E2F7: variants seen among roughly 807,000 people sequenced by gnomAD.
The protein encoded by E2F7 is E2F transcription factor 7.
In E2F7, 35 loss-of-function variants were observed where a neutral mutation model predicts 81.1. The ratio of observed to expected loss-of-function variants is 0.43; its 90% CI spans 0.33 to 0.57. The LOEUF (loss-of-function observed/expected upper bound fraction) is 0.57. Ranked by LOEUF, E2F7 falls within the 20% of genes least tolerant of loss-of-function variation. The pLI, the probability that E2F7 is intolerant of heterozygous loss-of-function variation, is 0.04. For synonymous variants in E2F7, 416 were observed against 416.2 expected, an observed-to-expected ratio of 1.00 and a Z score of 0.01; for missense variants, 961 against 1,093.7, an observed-to-expected ratio of 0.88 and a Z score of 1.71.
intron 4 of E2F7, among the ~76,000 whole-genome samples, chr12:77,047,843 C>G (rs905181047): frequency 6.6e-6 from 1 of 152,164 alleles, no homozygotes; most frequent in Admixed American, 6.5e-5. Flanking sequence ...TCCAGAACTG[C>G]CTGCTTCTTT....
In E2F7 at chr12:77,046,092, G is replaced by T; in HGVS notation, c.775C>A (p.Pro259Thr). 6.2e-7 allele frequency: 1 copy of T among 1,614,190 alleles called. No homozygotes were observed. Among genetic ancestry groups the T allele is most frequent in the Non-Finnish European group, 8.5e-7 (1 of 1,180,040 alleles). ...AGTAACTGTTGTTCCTGGGAATCTG[G>T]ATCACCATCTTTTTTACGTTCTCCA... The part of the protein sequence containing the change: ...KFGERKKDGD[P>T]DSQEQQLLDF... Residue 259 changes from proline (P) to threonine (T), a missense_variant, in exon 5 of 13, where the codon CCA (proline) becomes ACA (threonine). Transcript: ENST00000322886.
rs754914996 is a variant in E2F7, at chr12:77,028,080, A to G, written c.1943T>C (p.Ile648Thr). ...ATTCACATGAATGTCTTTGAGGGGT[A>G]TAGATGCCCTGTTACCCATAGTCTT... ...SPKTMGNRAS[I>T]PLKDIHVNGQ... Residue 648 changes from isoleucine (I) to threonine (T), a missense_variant, in exon 11 of 13, where the codon ATA becomes ACA. Coordinates refer to ENST00000322886, the MANE Select transcript of E2F7 (RefSeq NM_203394.3). 12 of 1,614,222 alleles carry G rather than the reference A, an allele frequency of 7.4e-6. No homozygotes were observed. Among genetic ancestry groups the G allele is most frequent in the Non-Finnish European group, 1.0e-5 (12 of 1,180,038 alleles).
rs1954720564 is a variant in E2F7 at position 77,022,453 on chromosome 12, G to T, written c.*1562C>A. 6.6e-6 allele frequency: 1 copy of T among 152,394 alleles called. No homozygotes were observed. The highest frequency in any genetic ancestry group is 1.5e-5 in the Non-Finnish European group (1 of 67,978). 9.4% of individuals were successfully genotyped at this position (152,394 alleles called of 1,614,324 possible). ...TTAAAAAATCTTGTGGGGGTAATAA[G>T]GCTAATATTATCCTGTAGTTAATAT... is the stretch of plus-strand genomic sequence containing the variant. On this transcript the variant is annotated 3_prime_UTR_variant, in exon 13 of 13. Transcript: ENST00000322886.
At position 77,033,933 on chromosome 12, in the gene E2F7, A is replaced by G; in HGVS notation, c.1233T>C (p.Phe411=). ...TCCTCTCAGAAGCCTGAACTGTGTT[A>G]AAAGAACCATGGCGAGCCAGCTTCT... ...AKQKLARHGS[F]NTVQASERIQ... The change falls in exon 8 of 13, where the codon TTT becomes TTC. Residue 411 remains phenylalanine, a synonymous_variant. Transcript: ENST00000322886. 6.2e-7 allele frequency: 1 copy of G among 1,614,222 alleles called. No homozygotes were observed. Among genetic ancestry groups the G allele is most frequent in the East Asian group, 2.2e-5 (1 of 44,886 alleles).
chr12:77,031,873 A>G (rs1459550370), intron 9 of E2F7, among the ~76,000 whole-genome samples: 1 of 152,128 alleles, frequency 6.6e-6, no homozygotes, highest in Non-Finnish European at 1.5e-5. Flanking sequence ...AGTAATGGGT[A>G]TTGCTCAGCT....
chr12:77,039,184 CTCAGA>C (rs1393137692), intron 7 of E2F7, among the ~76,000 whole-genome samples: 2 of 152,200 alleles, frequency 1.3e-5, no homozygotes, highest in African/African-American at 4.8e-5. Flanking sequence ...CTCCCATCCC[CTCAGA>C]AAAGCACCCC....
Position 77,056,016 on chromosome 12 carries a change from C to G in E2F7, c.208G>C (p.Val70Leu), listed in dbSNP as rs1181543646. Residue 70 changes from valine (V) to leucine (L), a missense_variant, in exon 3 of 13, where the codon GTT (valine) becomes CTT (leucine). Around this residue, in one of 3 missense-constraint regions of E2F7, gnomAD observed 301 missense variants for 405.0 expected, o/e 0.74. Coordinates refer to ENST00000322886, the MANE Select transcript of E2F7 (RefSeq NM_203394.3). ...FTPERNPITP[V>L]KFVDRQQAEP... ...GCTTGCTGTCTGTCAACAAACTTAA[C>G]TGGAGTAATGGGATTTCTTTCTGGA... 1 of 1,614,166 alleles carries G rather than the reference C, an allele frequency of 6.2e-7. No individual in the cohort carries two copies. Among genetic ancestry groups the G allele is most frequent in the Non-Finnish European group, 8.5e-7 (1 of 1,180,016 alleles).
intron 12 of E2F7, among the ~76,000 whole-genome samples, chr12:77,025,168 T>C (rs1283470922): frequency 6.6e-6 from 1 of 152,154 alleles, no homozygotes; most frequent in Admixed American, 6.5e-5. Context: ...AGACTTCTGT[T>C]TCCTTTGATT....
chr12:77,049,294 T>C (rs1040546193), intron 4 of E2F7, among the ~76,000 whole-genome samples: 1 of 152,162 alleles, frequency 6.6e-6, no homozygotes, highest in African/African-American at 2.4e-5. Context: ...AATCCTAGAA[T>C]ACTATATTAT....
In E2F7 at chr12:77,022,106, T is replaced by A. The variant is rs1421608489; in HGVS notation, c.*1909A>T. 1 of 152,188 alleles carries A rather than the reference T, an allele frequency of 6.6e-6. No individual in the cohort carries two copies. The highest frequency in any genetic ancestry group is 1.5e-5 in the Non-Finnish European group (1 of 68,030). The allele number at this position is 152,188 out of a possible 1,614,324, so 9.4% of individuals were successfully genotyped here. A position where few individuals can be genotyped will look rare whatever the true frequency, so the allele number is the denominator to read the frequency against. Reference sequence around the variant, plus strand: ...CAGGAACAGTGAGGGGAAAAGCAATTTCTGTTTCCGTCTAAATGCAGACCT... The same window carrying A: ...CAGGAACAGTGAGGGGAAAAGCAATATCTGTTTCCGTCTAAATGCAGACCT... On this transcript the variant is annotated 3_prime_UTR_variant, in exon 13 of 13. Coordinates refer to ENST00000322886, the MANE Select transcript of E2F7 (RefSeq NM_203394.3).
Position 77,023,911 on chromosome 12 carries a change from AGAGAGGAAGGACC to A in E2F7, c.*91_*103del. The stretch of plus-strand genomic sequence containing the variant: ...AAGTTAACAGAAGTGTGGATGAAAG[AGAGAGGAAGGACC>A]CGTGCTCAGGACGGGATGGTTTGCA... On this transcript the variant is annotated 3_prime_UTR_variant, in exon 13 of 13. Transcript: ENST00000322886. The A allele has an allele frequency of 1.5e-6, 2 of 1,351,980 alleles. No individual in the cohort carries two copies. The highest frequency in any genetic ancestry group is 2.0e-6 in the Non-Finnish European group (2 of 989,346). 83.7% of individuals were successfully genotyped at this position (1,351,980 alleles called of 1,614,324 possible).
At position 77,025,857 on chromosome 12, in the gene E2F7, A is replaced by G; in HGVS notation, c.2266T>C (p.Phe756Leu). Residue 756 changes from phenylalanine to leucine, a missense_variant, in exon 12 of 13, where the codon TTT becomes CTT. Transcript: ENST00000322886. ...ATTGCAGGAGAATAGAGAACAGGAA[A>G]AGGGCCCAGAGGTGGAGATGGTAAG... ...MVLPSPPLGP[F>L]PVLYSPAMPG... is the part of the protein sequence containing the mutation. 1 of 1,613,984 alleles carries G rather than the reference A, an allele frequency of 6.2e-7. No homozygotes were observed. Among genetic ancestry groups the G allele is most frequent in the Non-Finnish European group, 8.5e-7 (1 of 1,179,992 alleles).
At chr12:77,055,513 T>A (rs1418142755) in intron 3 of E2F7, among the ~76,000 whole-genome samples, 1 of 152,062 alleles carries the variant, frequency 6.6e-6, no homozygotes. Context: ...ATCAAAAATA[T>A]TTACATTAAC....
chr12:77,053,889 A>G lies in E2F7; in HGVS notation c.369+1966T>C, dbSNP rs148658659. On this transcript the variant is annotated intron_variant, in intron 3 of 12. Transcript: ENST00000322886. ...AATGTAAATTAATTACATCGCATCCATTTTTGGGCTGAGAGGTAGATTCAT... is the reference window on the plus strand; with the variant it reads ...AATGTAAATTAATTACATCGCATCCGTTTTTGGGCTGAGAGGTAGATTCAT... 1.3e-3 allele frequency among the ~76,000 whole-genome samples: 192 copies of G among 152,304 alleles called. 1 individual carries two copies. Among genetic ancestry groups the G allele is most frequent in the Middle Eastern group, 0.01 (3 of 292 alleles).
At chr12:77,024,277 G>A (rs370844981) in intron 12 of E2F7, 92 bp from the exon 13 acceptor site, 35 of 1,390,708 alleles carry the variant, frequency 2.5e-5, no homozygotes, top group Admixed American at 1.0e-4. Context: ...TGTGTGTTAG[G>A]ATCCCAAGGC....
chr12:77,040,681 G>A (rs1359588152), intron 7 of E2F7, among the ~76,000 whole-genome samples: 1 of 152,182 alleles, frequency 6.6e-6, no homozygotes, highest in Non-Finnish European at 1.5e-5. Context: ...GGTTGTCTGG[G>A]GATGGGAGTG....
At chr12:77,050,967 C>T (rs1462826703) in intron 3 of E2F7, among the ~76,000 whole-genome samples, 3 of 151,862 alleles carry the variant, frequency 2.0e-5, no homozygotes, top group Non-Finnish European at 4.4e-5. Flanking sequence ...GTCTATTAGT[C>T]AAAAGTTTGA....
intron 2 of E2F7, among the ~76,000 whole-genome samples, chr12:77,057,161 T>A (rs1262729192): frequency 2.0e-5 from 3 of 152,098 alleles, no homozygotes; most frequent in African/African-American, 7.2e-5. Context: ...CAAGTGATCT[T>A]CCCACCTCAG....
At chr12:77,032,922 C>G in intron 9 of E2F7, 128 bp downstream of exon 9, 1 of 760,706 alleles carries the variant, frequency 1.3e-6, no homozygotes, top group South Asian at 1.9e-5. Flanking sequence ...AAAGAGAAAA[C>G]TTACCAATTC....
Sources: gnomAD v4.1 joint callset for allele counts (sites outside exome capture counted in the v4.1 genomes callset) on GRCh38, gnomAD v4.1.1 for gene constraint, gnomAD v4.1.1 regional missense constraint, MANE v1.5 for transcripts, NCBI Gene and HGNC (gene_info 2026-07-23, HGNC 2026-07-21) for gene names.